The following RLF variants were observed in gnomAD, a reference collection of about 807,000 sequenced individuals.
RLF encodes zinc finger protein Rlf.
A neutral mutation model predicts 162.9 loss-of-function variants in RLF; 7 were observed. That is an observed-to-expected ratio of 0.04 (90% CI 0.02 to 0.08). The LOEUF is 0.08. Among genes scored for constraint, RLF ranks in the 10% least tolerant of loss-of-function variants. The pLI is 1.00. For synonymous variants in RLF, 782 were observed against 791.5 expected, an observed-to-expected ratio of 0.99 and a Z score of 0.20; for missense variants, 1,664 against 2,244.7, an observed-to-expected ratio of 0.74 and a Z score of 5.23.
intron 1 of RLF, among the ~76,000 whole-genome samples, chr1:40,178,644 T>TG (rs895386263): frequency 8.7e-5 from 13 of 149,042 alleles, no homozygotes; most frequent in Non-Finnish European, 1.9e-4. Flanking sequence ...TTTTTTTTTT[T>TG]TTTTGGAGAG....
In RLF at chr1:40,237,326, C is replaced by T. The variant is rs375899220; in HGVS notation, c.2624C>T (p.Ser875Leu). Residue 875 changes from serine (S) to leucine (L), a missense_variant, in exon 8 of 8, where the codon TCA (serine) becomes TTA (leucine). Ser to Leu is a moderately radical substitution (Grantham distance 145). This residue lies in a region of RLF where 295 missense variants were observed against 317.4 expected (regional missense o/e 0.93). Transcript: ENST00000372771. The surrounding 1 kb of genome is among the most constrained non-coding windows in gnomAD (Gnocchi z 4.4). Reference protein sequence around the residue: ...HLPEDLFCAESANSQIDTETA... With the variant: ...HLPEDLFCAELANSQIDTETA... ...CCTGAAGATCTTTTCTGTGCAGAAT[C>T]AGCTAATTCTCAAATAGATACAGAA... 83 of 1,613,830 alleles carry T rather than the reference C, an allele frequency of 5.1e-5. No homozygotes were observed. The highest frequency in any genetic ancestry group is 6.7e-5 in the Non-Finnish European group (79 of 1,179,932).
chr1:40,204,116 A>G (rs1011052288), intron 5 of RLF, among the ~76,000 whole-genome samples: 1 of 150,836 alleles, frequency 6.6e-6, no homozygotes, highest in Non-Finnish European at 1.5e-5. Context: ...CCTGGGTTCA[A>G]GCAATTCTCC....
chr1:40,237,249 A>G lies in RLF; in HGVS notation c.2547A>G (p.Gln849=). ...KLEESATGEK[Q]DCINQPHLLN... is the part of the protein sequence containing the mutation. ...AGGAGTCTGCAACAGGTGAAAAGCA[A>G]GATTGTATTAATCAGCCCCATCTAC... Residue 849 remains glutamine, a synonymous_variant, in exon 8 of 8, where the codon CAA becomes CAG. Coordinates refer to ENST00000372771, the MANE Select transcript of RLF (RefSeq NM_012421.4). The surrounding 1 kb of genome is among the most constrained non-coding windows in gnomAD (Gnocchi z 4.4). The G allele has an allele frequency of 6.2e-7, 1 of 1,614,034 alleles. No individual in the cohort carries two copies. Among genetic ancestry groups the G allele is most frequent in the Non-Finnish European group, 8.5e-7 (1 of 1,179,978 alleles).
intron 1 of RLF, among the ~76,000 whole-genome samples, chr1:40,166,944 G>A (rs1642175613): frequency 6.6e-6 from 1 of 152,046 alleles, no homozygotes; most frequent in African/African-American, 2.4e-5. Context: ...CATGGCACAT[G>A]TGTGCATGTG....
chr1:40,178,626 T>TG (rs1261760265), intron 1 of RLF, among the ~76,000 whole-genome samples: 3 of 146,332 alleles, frequency 2.1e-5, no homozygotes, highest in South Asian at 2.1e-4. Flanking sequence ...GGTGTTTTTT[T>TG]TTTTTGTTTT....
Position 40,235,709 on chromosome 1 carries a change from CAAGCT to C in RLF, c.1090-80_1090-76del, listed in dbSNP as rs531477120. On this transcript the variant is annotated intron_variant, in intron 7 of 7. Transcript: ENST00000372771. ...AATTTAGGAACTCTAAAAGTTTTTA[CAAGCT>C]AAAATTCCTTATCAGTGAAAGTTAT... 375 of 1,012,704 alleles carry C rather than the reference CAAGCT, an allele frequency of 3.7e-4. No homozygotes were observed. The African/African-American group carries it at 5.4e-3, about 15-fold the overall frequency. The allele number at this position is 1,012,704 out of a possible 1,614,324, so 62.7% of individuals were successfully genotyped here. A position where few individuals can be genotyped will look rare whatever the true frequency, so the allele number is the denominator to read the frequency against.
At position 40,231,497 on chromosome 1, in the gene RLF, A is replaced by G. The variant is rs373444201; in HGVS notation, c.948-20A>G. 1.9e-6 allele frequency: 3 copies of G among 1,605,036 alleles called. No individual in the cohort carries two copies. Among genetic ancestry groups the G allele is most frequent in the Admixed American group, 3.5e-5 (2 of 57,518 alleles). ...TACCAGTTACTTTAAATGTTTTACC[A>G]TGATCTTCTTTTTTTATAGGGAACT... On this transcript the variant is annotated intron_variant, in intron 6 of 7. Coordinates refer to ENST00000372771, the MANE Select transcript of RLF (RefSeq NM_012421.4).
chr1:40,211,770 T>G (rs1642868217), intron 5 of RLF, among the ~76,000 whole-genome samples: 1 of 151,812 alleles, frequency 6.6e-6, no homozygotes, highest in African/African-American at 2.4e-5. Context: ...TACGGGCACG[T>G]GCCACCACGC....
At chr1:40,209,894 G>C (rs1570546841) in intron 5 of RLF, among the ~76,000 whole-genome samples, 1 of 146,834 alleles carries the variant, frequency 6.8e-6, no homozygotes, top group Non-Finnish European at 1.5e-5. Flanking sequence ...AAAAAAAAAA[G>C]GCGATCATAA....
rs981150854 is a variant in RLF at position 40,238,457 on chromosome 1, G to A, written c.3755G>A (p.Ser1252Asn). The change falls in exon 8 of 8, where the codon AGT (serine) becomes AAT (asparagine). Residue 1252 changes from serine (S) to asparagine (N), a missense_variant. Physicochemically the swap from Ser to Asn is conservative, Grantham distance 46 (BLOSUM62 1). Around this residue, in one of 15 missense-constraint regions of RLF, gnomAD observed 102 missense variants for 109.5 expected, o/e 0.93. Coordinates refer to ENST00000372771, the MANE Select transcript of RLF (RefSeq NM_012421.4). The surrounding 1 kb of genome is among the most constrained non-coding windows in gnomAD (Gnocchi z 5.2). Reference protein sequence around the residue: ...PHCHPKKDECSSETDLESSCE... With the variant: ...PHCHPKKDECNSETDLESSCE... ...TGTCATCCTAAAAAGGATGAATGTA[G>A]TTCTGAAACAGATTTGGAATCATCT... The A allele has an allele frequency of 6.2e-7, 1 of 1,614,144 alleles. No homozygotes were observed. The highest frequency in any genetic ancestry group is 8.5e-7 in the Non-Finnish European group (1 of 1,180,012).
chr1:40,171,288 C>T (rs1642241326), intron 1 of RLF, among the ~76,000 whole-genome samples: 1 of 152,170 alleles, frequency 6.6e-6, no homozygotes, highest in African/African-American at 2.4e-5. Context: ...CTCAGCCTCC[C>T]AAGGCACTGG....
chr1:40,233,651 C>T (rs1211639051), intron 7 of RLF, among the ~76,000 whole-genome samples: 2 of 152,172 alleles, frequency 1.3e-5, no homozygotes, highest in African/African-American at 4.8e-5. Flanking sequence ...CTTTAGGCCA[C>T]TACTGTTGTG....
intron 4 of RLF, among the ~76,000 whole-genome samples, chr1:40,199,525 G>T (rs1022298491): frequency 6.6e-6 from 1 of 152,228 alleles, no homozygotes; most frequent in Non-Finnish European, 1.5e-5. Context: ...TCTCACAGCT[G>T]TGTGTCAGAA....
At chr1:40,172,969 A>AAAC (rs1642266257) in intron 1 of RLF, among the ~76,000 whole-genome samples, 1 of 152,188 alleles carries the variant, frequency 6.6e-6, no homozygotes, top group South Asian at 2.1e-4. Context: ...CCGTTTTACT[A>AAAC]AATCCTTGCC....
intron 1 of RLF, among the ~76,000 whole-genome samples, chr1:40,187,400 C>T (rs1473614882): frequency 2.0e-5 from 3 of 152,184 alleles, no homozygotes; most frequent in Admixed American, 6.5e-5. Flanking sequence ...TCTACTAATT[C>T]AGCTGGGAAG....
chr1:40,181,142 G>A (rs1389916741), intron 1 of RLF, among the ~76,000 whole-genome samples: 2 of 152,176 alleles, frequency 1.3e-5, no homozygotes, highest in Non-Finnish European at 2.9e-5. Flanking sequence ...TGAAAAGGCT[G>A]TCTTTGGCCA....
intron 3 of RLF, among the ~76,000 whole-genome samples, chr1:40,194,041 A>C (rs1642596154): frequency 6.6e-6 from 1 of 152,226 alleles, no homozygotes; most frequent in Admixed American, 6.5e-5. Flanking sequence ...GTAATAGAGG[A>C]CAGTGAAACA....
rs1176568361 is a variant in RLF at position 40,238,817 on chromosome 1, G to A, written c.4115G>A (p.Arg1372His). 1 of 1,613,612 alleles carries A rather than the reference G, an allele frequency of 6.2e-7. No homozygotes were observed. The highest frequency in any genetic ancestry group is 8.5e-7 in the Non-Finnish European group (1 of 1,179,838). The change falls in exon 8 of 8, where the codon CGC becomes CAC. Residue 1372 changes from arginine to histidine, a missense_variant. Physicochemically the swap from Arg to His is conservative, Grantham distance 29. This residue lies in a region of RLF where 200 missense variants were observed against 207.3 expected (regional missense o/e 0.96). Coordinates refer to ENST00000372771, the MANE Select transcript of RLF (RefSeq NM_012421.4). This position sits in a 1 kb window ranked among gnomAD's most constrained non-coding sequence, Gnocchi z 5.2. ...FACKYKECNKRFLCSKALAKH... is the reference protein window; with the variant it reads ...FACKYKECNKHFLCSKALAKH... ...TGCAAATATAAGGAATGTAATAAAC[G>A]CTTCCTGTGTTCCAAAGCTCTTGCT...
intron 4 of RLF, among the ~76,000 whole-genome samples, chr1:40,200,440 T>C (rs1381953564): frequency 2.0e-5 from 3 of 152,128 alleles, no homozygotes; most frequent in East Asian, 3.8e-4. Flanking sequence ...TTGACAGAGA[T>C]TGGAAACAGC....
Sources: gnomAD v4.1 joint callset for allele counts (sites outside exome capture counted in the v4.1 genomes callset) on GRCh38, gnomAD v4.1.1 for gene constraint, gnomAD v4.1.1 regional missense constraint, Gnocchi (gnomAD v3.1) non-coding constraint, MANE v1.5 for transcripts, NCBI Gene and HGNC (gene_info 2026-07-23, HGNC 2026-07-21) for gene names.